CCT5: variants seen among roughly 807,000 people sequenced by gnomAD.
CCT5 encodes chaperonin containing TCP1 subunit 5, also known as T-complex protein 1 subunit epsilon.
In CCT5, 6 loss-of-function variants were observed where a neutral mutation model predicts 55.0. The ratio of observed to expected loss-of-function variants is 0.11; its 90% CI spans 0.06 to 0.22. The LOEUF (loss-of-function observed/expected upper bound fraction) is 0.22. Ranked by LOEUF, CCT5 falls within the 10% of genes least tolerant of loss-of-function variation. The pLI, the probability that CCT5 is intolerant of heterozygous loss-of-function variation, is 1.00. For synonymous variants in CCT5, 231 were observed against 243.7 expected (o/e 0.95, Z 0.49); for missense variants, 560 against 694.6 (o/e 0.81, Z 2.18).
intron 7 of CCT5, chr5:10,261,228 G>C: frequency 4.0e-6 from 2 of 494,114 alleles, no homozygotes; most frequent in Non-Finnish European, 7.4e-6. Context: ...TGCCTCGGTG[G>C]TTCTCACTGC....
chr5:10,257,704 A>C (rs1350154008), intron 4 of CCT5, among the ~76,000 whole-genome samples: 1 of 152,202 alleles, frequency 6.6e-6, no homozygotes, highest in Non-Finnish European at 1.5e-5. Flanking sequence ...TTGAGATAAG[A>C]GTGACTCTTC....
chr5:10,262,395 C>T (rs1746009621), intron 8 of CCT5, 86 bp from the exon 9 acceptor site: 2 of 1,431,304 alleles, frequency 1.4e-6, no homozygotes, highest in South Asian at 2.3e-5. Flanking sequence ...AGCACAGCCT[C>T]TCTGTCTTTA....
intron 10 of CCT5, among the ~76,000 whole-genome samples, chr5:10,264,164 A>G (rs1301568422): frequency 1.3e-5 from 2 of 151,868 alleles, no homozygotes; most frequent in African/African-American, 4.8e-5. Context: ...AATCCCAGCT[A>G]CTCGGGAGGC....
chr5:10,255,794 G>A (rs771548913), intron 3 of CCT5, among the ~76,000 whole-genome samples, 161 bp from the exon 4 acceptor site: 1 of 152,190 alleles, frequency 6.6e-6, no homozygotes, highest in African/African-American at 2.4e-5. Flanking sequence ...GAACTAAAAC[G>A]AGGCTTTCTT....
chr5:10,254,657 T>C lies in CCT5; in HGVS notation c.167-17T>C, dbSNP rs1462184260. Reference sequence around the variant, plus strand: ...TGCCAGTTTTTTGCGCAAAGCCTACTAAACGTTGTTTTTTAGGGCTTGATA... The same window carrying C: ...TGCCAGTTTTTTGCGCAAAGCCTACCAAACGTTGTTTTTTAGGGCTTGATA... On this transcript the variant is annotated splice_polypyrimidine_tract_variant and intron_variant, in intron 2 of 10. Coordinates refer to ENST00000280326, the MANE Select transcript of CCT5 (RefSeq NM_012073.5). 6.2e-7 allele frequency: 1 copy of C among 1,613,400 alleles called. No homozygotes were observed. Among genetic ancestry groups the C allele is most frequent in the Admixed American group, 1.7e-5 (1 of 60,018 alleles).
chr5:10,254,892 A>G, intron 3 of CCT5, 54 bp downstream of exon 3: 2 of 1,452,364 alleles, frequency 1.4e-6, no homozygotes, highest in Non-Finnish European at 1.9e-6. Flanking sequence ...TTAAGACCAC[A>G]GGGCTAACAT....
intron 6 of CCT5, among the ~76,000 whole-genome samples, chr5:10,259,798 A>G (rs534083591): frequency 1.3e-5 from 2 of 152,246 alleles, no homozygotes; most frequent in Non-Finnish European, 2.9e-5. Flanking sequence ...CTGGGGGGCC[A>G]CAGATAAATT....
chr5:10,261,823 C>A, intron 8 of CCT5, 78 bp downstream of exon 8: 1 of 1,066,142 alleles, frequency 9.4e-7, no homozygotes, highest in Non-Finnish European at 1.5e-6. Context: ...GTGTATTTAA[C>A]AGAGACACAG....
rs749310473 is a variant in CCT5 at position 10,262,500 on chromosome 5, G to A, written c.1199G>A (p.Arg400Gln). 2 of 1,614,066 alleles carry A rather than the reference G, an allele frequency of 1.2e-6. No homozygotes were observed. Among genetic ancestry groups the A allele is most frequent in the African/African-American group, 1.3e-5 (1 of 74,930 alleles). The part of the protein sequence containing the change: ...GNKMIIEEAK[R>Q]SLHDALCVIR... ...CCTTAGATCATTGAGGAGGCGAAAC[G>A]ATCCCTTCACGATGCTTTGTGTGTC... Residue 400 changes from arginine to glutamine, a missense_variant, in exon 9 of 11, where the codon CGA (arginine) becomes CAA (glutamine). Transcript: ENST00000280326.
At chr5:10,250,575 G>A (rs1579442734) in intron 1 of CCT5, 130 bp downstream of exon 1, 33 of 1,497,290 alleles carry the variant, frequency 2.2e-5, no homozygotes, top group Non-Finnish European at 2.8e-5. Flanking sequence ...CCGTCTCCCT[G>A]CGGTCTCCGG....
chr5:10,257,938 C>T, intron 4 of CCT5, 173 bp from the exon 5 acceptor site: 2 of 691,724 alleles, frequency 2.9e-6, no homozygotes, highest in Non-Finnish European at 5.1e-6. Flanking sequence ...CCATGGATCA[C>T]AGGTTAAGAA....
intron 1 of CCT5, among the ~76,000 whole-genome samples, 171 bp from the exon 2 acceptor site, chr5:10,253,974 A>G (rs1457470436): frequency 6.6e-6 from 1 of 152,256 alleles, no homozygotes. Context: ...TGCTTATTAA[A>G]ACTGGAGTCG....
At chr5:10,255,559 TGAG>T (rs1745629407) in intron 3 of CCT5, among the ~76,000 whole-genome samples, 1 of 146,766 alleles carries the variant, frequency 6.8e-6, no homozygotes, top group Admixed American at 7.0e-5. Context: ...GACCCTAAAA[TGAG>T]GAGAAAGGAG....
At chr5:10,263,075 G>A (rs1474008150) in intron 9 of CCT5, 59 bp from the exon 10 acceptor site, 12 of 1,412,628 alleles carry the variant, frequency 8.5e-6, no homozygotes, top group Non-Finnish European at 1.1e-5. Flanking sequence ...TGTTTTCACG[G>A]TGCCGCTGGG....
intron 4 of CCT5, 105 bp from the exon 5 acceptor site, chr5:10,258,006 A>G: frequency 8.1e-7 from 1 of 1,240,322 alleles, no homozygotes; most frequent in Admixed American, 2.0e-5. Flanking sequence ...AGAAGACTCA[A>G]AACATCGTTT....
intron 1 of CCT5, among the ~76,000 whole-genome samples, chr5:10,253,788 A>T (rs898375971): frequency 2.2e-4 from 33 of 152,290 alleles, no homozygotes; most frequent in African/African-American, 7.9e-4. Context: ...CCAATTCCCC[A>T]TGGATGCTCA....
upstream of CCT5, chr5:10,250,125 C>A (rs1745289656): frequency 5.9e-6 from 9 of 1,533,970 alleles, no homozygotes; most frequent in South Asian, 2.4e-5. Context: ...CTTCAAACCT[C>A]CCCCTCCCCG....
chr5:10,260,214 G>A (rs1482382755), intron 6 of CCT5, among the ~76,000 whole-genome samples: 5 of 152,174 alleles, frequency 3.3e-5, no homozygotes, highest in Non-Finnish European at 5.9e-5. Flanking sequence ...ACCAGAGGTG[G>A]GGTGGGCAGC....
chr5:10,258,619 T>C (rs895225393), intron 6 of CCT5, 84 bp downstream of exon 6: 3 of 1,253,254 alleles, frequency 2.4e-6, no homozygotes, highest in East Asian at 2.3e-5. Flanking sequence ...ATGTGTAGTC[T>C]TTCTTCAGTT....
Sources: allele counts gnomAD v4.1 joint callset (sites outside exome capture counted in the v4.1 genomes callset), GRCh38; gene constraint gnomAD v4.1.1; transcripts MANE v1.5; gene names NCBI Gene and HGNC (gene_info 2026-07-23, HGNC 2026-07-21).